The following ZNF423 variants were observed in gnomAD, a reference collection of about 807,000 sequenced individuals.
ZNF423 encodes Ebf-associated zinc finger protein.
A neutral mutation model predicts 95.8 loss-of-function variants in ZNF423; 12 were observed. The observed-to-expected ratio is 0.13, with a 90% CI of 0.08 to 0.20. The LOEUF (loss-of-function observed/expected upper bound fraction) is 0.20, where lower values mean the gene tolerates loss of function less well. Among genes scored for constraint, ZNF423 ranks in the 10% least tolerant of loss-of-function variants. The pLI, the probability that ZNF423 is intolerant of heterozygous loss-of-function variation, is 1.00. For synonymous variants in ZNF423, 749 were observed against 711.9 expected, an observed-to-expected ratio of 1.05 and a Z score of -0.83; for missense variants, 1,316 against 1,737.1, an observed-to-expected ratio of 0.76 and a Z score of 4.31.
intron 1 of ZNF423, among the ~76,000 whole-genome samples, chr16:49,842,245 A>G (rs1435356326): frequency 2.2e-5 from 2 of 89,968 alleles, no homozygotes; most frequent in African/African-American, 8.7e-5. Context: ...AAGGGAAGGG[A>G]GGGGAAAGGA....
At chr16:49,806,032 A>G (rs539290155) in intron 1 of ZNF423, among the ~76,000 whole-genome samples, 8 of 152,348 alleles carry the variant, frequency 5.3e-5, no homozygotes, top group African/African-American at 1.7e-4. Flanking sequence ...CCTGAGGTTA[A>G]TCTCCTCGTT....
chr16:49,853,550 A>T (rs1169789152), intron 1 of ZNF423: 20 of 807,216 alleles, frequency 2.5e-5, no homozygotes, highest in Non-Finnish European at 3.0e-5. Context: ...TGTGTGGCTG[A>T]TATTTACAAC....
At position 49,603,145 on chromosome 16, in the gene ZNF423, G is replaced by A. The variant is rs904919396; in HGVS notation, c.3601+23025C>T. ...AGCAGCCTCTCTGTCCCAAAGTTCT[G>A]GATCACTGTCACTATCTGGGGCCTG... On this transcript the variant is annotated intron_variant, in intron 5 of 7. Coordinates refer to ENST00000563137, the MANE Select transcript of ZNF423 (RefSeq NM_001379286.1). The surrounding 1 kb of genome is among the most constrained non-coding windows in gnomAD (Gnocchi z 4.1). Among the ~76,000 whole-genome samples the A allele has an allele frequency of 6.6e-6, 1 of 152,170 alleles. No individual in the cohort carries two copies. Among genetic ancestry groups the A allele is most frequent in the African/African-American group, 2.4e-5 (1 of 41,462 alleles).
At chr16:49,854,330 G>C (rs2035333304) in intron 1 of ZNF423, 2 of 985,298 alleles carry the variant, frequency 2.0e-6, no homozygotes, top group East Asian at 2.3e-4. Flanking sequence ...CTGGGCCGGG[G>C]GCAGTCCCTC....
chr16:49,707,589 C>G (rs1381652824), intron 3 of ZNF423, among the ~76,000 whole-genome samples: 1 of 150,146 alleles, frequency 6.7e-6, no homozygotes, highest in Non-Finnish European at 1.5e-5. Context: ...TGCACTCCAG[C>G]CTGGGCGACA....
chr16:49,604,959 G>A (rs1412831843), intron 5 of ZNF423, among the ~76,000 whole-genome samples: 2 of 152,318 alleles, frequency 1.3e-5, no homozygotes, highest in East Asian at 3.9e-4. Context: ...TCACACCCCA[G>A]AGGAAAGGGG....
chr16:49,645,425 A>T (rs1309307096), intron 3 of ZNF423, among the ~76,000 whole-genome samples: 4 of 152,238 alleles, frequency 2.6e-5, no homozygotes, highest in African/African-American at 9.6e-5. Context: ...CTCAGGTCCA[A>T]AGAAATGAGT....
chr16:49,834,011 C>T (rs1014969556), intron 1 of ZNF423, among the ~76,000 whole-genome samples: 4 of 152,194 alleles, frequency 2.6e-5, no homozygotes, highest in Non-Finnish European at 5.9e-5. Flanking sequence ...TGTCACAGGG[C>T]AGGCGGCAGG....
At chr16:49,522,485 T>A (rs930485855) in intron 7 of ZNF423, among the ~76,000 whole-genome samples, 1 of 152,052 alleles carries the variant, frequency 6.6e-6, no homozygotes, top group South Asian at 2.1e-4. Flanking sequence ...TGCTTGGATA[T>A]GTCACATGGG....
At chr16:49,724,610 G>T (rs190965560) in intron 3 of ZNF423, among the ~76,000 whole-genome samples, 170 of 152,308 alleles carry the variant, frequency 1.1e-3, no homozygotes, top group African/African-American at 3.9e-3. Context: ...AAAGGCAAGC[G>T]CTGGCCAGCC....
chr16:49,753,641 A>C (rs1231620828), intron 2 of ZNF423, among the ~76,000 whole-genome samples: 1 of 151,948 alleles, frequency 6.6e-6, no homozygotes, highest in Non-Finnish European at 1.5e-5. Context: ...TAGGACAGGA[A>C]CTGTTGAAAA....
Position 49,492,472 on chromosome 16 carries a change from A to AGGCCGGGGCCGG in ZNF423, c.3850-1180_3850-1169dup, listed in dbSNP as rs796834568. 6.5e-3 allele frequency among the ~76,000 whole-genome samples: 989 copies of AGGCCGGGGCCGG among 152,098 alleles called. 9 individuals carry two copies. Among genetic ancestry groups the AGGCCGGGGCCGG allele is most frequent in the African/African-American group, 0.021 (872 of 41,494 alleles). On this transcript the variant is annotated intron_variant, in intron 7 of 7. Coordinates refer to ENST00000563137, the MANE Select transcript of ZNF423 (RefSeq NM_001379286.1). The surrounding 1 kb of genome is among the most constrained non-coding windows in gnomAD (Gnocchi z 4.2). ...TGCCAGTAGCCTCGCCCGGAGGCCG[A>AGGCCGGGGCCGG]GGCCGGGGCCGGGGCCGGGGCCGGG... is the stretch of plus-strand genomic sequence containing the variant.
At chr16:49,842,454 T>G (rs2035201006) in intron 1 of ZNF423, among the ~76,000 whole-genome samples, 1 of 139,618 alleles carries the variant, frequency 7.2e-6, no homozygotes, top group Non-Finnish European at 1.6e-5. Flanking sequence ...GGCAGGCCCA[T>G]AAACATAAAA....
intron 3 of ZNF423, among the ~76,000 whole-genome samples, chr16:49,693,728 G>T (rs2031871521): frequency 6.6e-6 from 1 of 152,210 alleles, no homozygotes; most frequent in African/African-American, 2.4e-5. Flanking sequence ...GAGGCTATGA[G>T]CTTGGGGCCA....
At chr16:49,796,110 T>G (rs998417889) in intron 1 of ZNF423, among the ~76,000 whole-genome samples, 31 of 151,852 alleles carry the variant, frequency 2.0e-4, no homozygotes, top group Admixed American at 2.6e-4. Flanking sequence ...GGTCAGAAGT[T>G]GTGGGAGGCT....
At chr16:49,590,740 C>T (rs1020152808) in intron 5 of ZNF423, among the ~76,000 whole-genome samples, 1 of 152,184 alleles carries the variant, frequency 6.6e-6, no homozygotes, top group Non-Finnish European at 1.5e-5. Flanking sequence ...CCAGGGGCCT[C>T]CCAGTAATTA....
intron 1 of ZNF423, among the ~76,000 whole-genome samples, chr16:49,822,226 T>G (rs1199468855): frequency 1.3e-5 from 2 of 150,738 alleles, no homozygotes; most frequent in Admixed American, 6.6e-5. Context: ...CAGGCTGGAG[T>G]GCAGTGGCGT....
intron 7 of ZNF423, chr16:49,517,688 TC>T (rs1968206160): frequency 2.2e-5 from 5 of 226,886 alleles, no homozygotes; most frequent in South Asian, 1.1e-4. Flanking sequence ...TTTTTTTTTT[TC>T]ATTGTTAGAT....
Position 49,491,542 on chromosome 16 carries a change from C to CTTTT in ZNF423, c.3850-242_3850-239dup, listed in dbSNP as rs35641691. ...GGACTCCCTATATGTTGTTTTTTGG[C>CTTTT]TTTTTTTTTTTTTTTTTTTTTAAAG... On this transcript the variant is annotated intron_variant, in intron 7 of 7. Transcript: ENST00000563137. 2.8e-3 allele frequency among the ~76,000 whole-genome samples: 312 copies of CTTTT among 111,198 alleles called. 1 individual carries two copies. Among genetic ancestry groups the CTTTT allele is most frequent in the African/African-American group, 9.6e-3 (268 of 28,024 alleles). The allele number at this position is 111,198 out of a possible 152,430, so 73.0% of individuals were successfully genotyped here.
Sources: gnomAD v4.1 joint callset for allele counts (sites outside exome capture counted in the v4.1 genomes callset) on GRCh38, gnomAD v4.1.1 for gene constraint, Gnocchi (gnomAD v3.1) non-coding constraint, MANE v1.5 for transcripts, NCBI Gene and HGNC (gene_info 2026-07-23, HGNC 2026-07-21) for gene names.